CAPZA1: variants seen among roughly 807,000 people sequenced by gnomAD.
The protein encoded by CAPZA1 is F-actin-capping protein subunit alpha-1.
A neutral mutation model predicts 40.8 loss-of-function variants in CAPZA1; 10 were observed. The observed-to-expected ratio is 0.25, with a 90% CI of 0.15 to 0.42. The LOEUF (loss-of-function observed/expected upper bound fraction) is 0.42, where lower values mean the gene tolerates loss of function less well. Ranked by LOEUF, CAPZA1 falls within the 10% of genes least tolerant of loss-of-function variation. CAPZA1 has a pLI of 1.00. For synonymous variants in CAPZA1, 98 were observed against 115.0 expected (o/e 0.85, Z 0.95); for missense variants, 277 against 353.8 (o/e 0.78, Z 1.74).
chr1:112,663,356 G>A (rs1286005647), intron 7 of CAPZA1, among the ~76,000 whole-genome samples: 1 of 152,066 alleles, frequency 6.6e-6, no homozygotes, highest in African/African-American at 2.4e-5. Flanking sequence ...TGACCTACTT[G>A]TATTTTAAAT....
At chr1:112,627,789 C>G (rs914085214) in intron 1 of CAPZA1, among the ~76,000 whole-genome samples, 1 of 151,908 alleles carries the variant, frequency 6.6e-6, no homozygotes, top group Non-Finnish European at 1.5e-5. Context: ...GGAGAAACCC[C>G]GTCTCTACTA....
intron 7 of CAPZA1, among the ~76,000 whole-genome samples, chr1:112,662,395 C>CTTTTTTTTTTTTTTTTTTTTTTT (rs35100851): frequency 1.0e-5 from 1 of 97,262 alleles, no homozygotes; most frequent in Non-Finnish European, 1.9e-5. Context: ...TAGAATTTTT[C>CTTTTTTTTTTTTTTTTTTTTTTT]TTTTTTTTTT....
chr1:112,647,268 T>C lies in CAPZA1; in HGVS notation c.98T>C (p.Phe33Ser). ...HAPPGEFNEVFNDVRLLLNND... is the reference protein window; with the variant it reads ...HAPPGEFNEVSNDVRLLLNND... ...CCCCCAGGGGAATTTAATGAAGTATTCAATGGTGAGTAAAGATTAGTATTT... is the reference window on the plus strand; with the variant it reads ...CCCCCAGGGGAATTTAATGAAGTATCCAATGGTGAGTAAAGATTAGTATTT... The change falls in exon 2 of 10, where the codon TTC (phenylalanine) becomes TCC (serine). Residue 33 changes from phenylalanine to serine, a missense_variant. By Grantham distance (155) the Phe-to-Ser change is radical. Around this residue, in one of 2 missense-constraint regions of CAPZA1, gnomAD observed 85 missense variants for 76.5 expected, o/e 1.11. Transcript: ENST00000263168. The C allele has an allele frequency of 6.7e-7, 1 of 1,494,946 alleles. No homozygotes were observed. The highest frequency in any genetic ancestry group is 9.0e-7 in the Non-Finnish European group (1 of 1,106,022). 92.6% of individuals were successfully genotyped at this position (1,494,946 alleles called of 1,614,324 possible).
intron 7 of CAPZA1, among the ~76,000 whole-genome samples, chr1:112,662,458 G>A (rs1671635842): frequency 6.9e-6 from 1 of 143,974 alleles, no homozygotes; most frequent in Non-Finnish European, 1.5e-5. Context: ...GAGTGCAGTG[G>A]CAGGATCTCG....
At chr1:112,630,362 G>A (rs1308614212) in intron 1 of CAPZA1, among the ~76,000 whole-genome samples, 1 of 151,270 alleles carries the variant, frequency 6.6e-6, no homozygotes, top group African/African-American at 2.4e-5. Flanking sequence ...TTTTATTTTT[G>A]TTAGAGAGTC....
chr1:112,650,358 G>A (rs1671360238), intron 3 of CAPZA1, among the ~76,000 whole-genome samples: 1 of 152,130 alleles, frequency 6.6e-6, no homozygotes, highest in Non-Finnish European at 1.5e-5. Flanking sequence ...ACTAGATTCT[G>A]CAAACGTAGA....
At chr1:112,641,459 A>G (rs1671160863) in intron 1 of CAPZA1, among the ~76,000 whole-genome samples, 1 of 152,200 alleles carries the variant, frequency 6.6e-6, no homozygotes, top group East Asian at 1.9e-4. Flanking sequence ...ACAGCACATT[A>G]TAAACATATA....
chr1:112,659,598 C>A, intron 6 of CAPZA1, 103 bp from the exon 7 acceptor site: 87 of 583,956 alleles, frequency 1.5e-4, no homozygotes, highest in Middle Eastern at 5.1e-4. Flanking sequence ...TTTTTTTTTT[C>A]TTTTTTTGCA....
At chr1:112,646,009 A>AT (rs1671274992) in intron 1 of CAPZA1, among the ~76,000 whole-genome samples, 3 of 152,122 alleles carry the variant, frequency 2.0e-5, no homozygotes, top group South Asian at 4.1e-4. Flanking sequence ...GACGAAGAGC[A>AT]TATTAATGGA....
intron 1 of CAPZA1, among the ~76,000 whole-genome samples, chr1:112,631,976 T>G (rs1250563025): frequency 6.6e-6 from 1 of 152,222 alleles, no homozygotes; most frequent in Non-Finnish European, 1.5e-5. Flanking sequence ...GTAAAAATTA[T>G]TCTAATGCAT....
At chr1:112,640,171 C>T in intron 1 of CAPZA1, among the ~76,000 whole-genome samples, 1 of 122,832 alleles carries the variant, frequency 8.1e-6, no homozygotes, top group Admixed American at 7.5e-5. Context: ...GCCAGCCGCC[C>T]AGTCCGGGAG....
intron 1 of CAPZA1, among the ~76,000 whole-genome samples, chr1:112,629,066 A>C (rs1354102705): frequency 6.6e-6 from 1 of 151,250 alleles, no homozygotes; most frequent in Non-Finnish European, 1.5e-5. Context: ...AGGTCAGTAC[A>C]TGTCACTTTT....
At chr1:112,628,634 C>A (rs975141819) in intron 1 of CAPZA1, among the ~76,000 whole-genome samples, 4 of 152,170 alleles carry the variant, frequency 2.6e-5, no homozygotes, top group African/African-American at 9.7e-5. Context: ...TGTATAACAG[C>A]ATTGGACATT....
At chr1:112,656,792 T>C (rs1317223523) in intron 5 of CAPZA1, among the ~76,000 whole-genome samples, 1 of 152,094 alleles carries the variant, frequency 6.6e-6, no homozygotes, top group African/African-American at 2.4e-5. Context: ...CGTAATTTCA[T>C]CTCCTTATTC....
At chr1:112,623,181 G>C (rs138884925) in intron 1 of CAPZA1, among the ~76,000 whole-genome samples, 1 of 152,094 alleles carries the variant, frequency 6.6e-6, no homozygotes. Flanking sequence ...CACTGCACCT[G>C]CCAAATATTT....
chr1:112,628,428 G>T (rs1282692662), intron 1 of CAPZA1, among the ~76,000 whole-genome samples: 1 of 152,082 alleles, frequency 6.6e-6, no homozygotes, highest in Non-Finnish European at 1.5e-5. Flanking sequence ...TATAAAACTG[G>T]AATAACAATT....
intron 7 of CAPZA1, among the ~76,000 whole-genome samples, chr1:112,663,177 G>C (rs573234611): frequency 1.3e-5 from 2 of 152,048 alleles, no homozygotes; most frequent in Admixed American, 6.5e-5. Flanking sequence ...TGTTAGCCAG[G>C]ATGATCTTGA....
At chr1:112,668,694 C>T (rs1671771954) in intron 8 of CAPZA1, among the ~76,000 whole-genome samples, 1 of 152,082 alleles carries the variant, frequency 6.6e-6, no homozygotes, top group Non-Finnish European at 1.5e-5. Context: ...CCATGTTGAC[C>T]AGGCTTGTCT....
In CAPZA1 at chr1:112,670,459, A is replaced by G. The variant is rs1671808820; in HGVS notation, c.*327A>G. The G allele has an allele frequency of 1.9e-5, 4 of 214,564 alleles. No homozygotes were observed. In the Admixed American group the frequency reaches 2.0e-4, roughly 11 times the overall value. The allele number at this position is 214,564 out of a possible 1,614,324, so 13.3% of individuals were successfully genotyped here. ...ATTTTACTGTTTAAAAAAGTTTCCT[A>G]GCCATGAAGCCCTGCTACTGATTTA... On this transcript the variant is annotated 3_prime_UTR_variant, in exon 10 of 10. Coordinates refer to ENST00000263168, the MANE Select transcript of CAPZA1 (RefSeq NM_006135.3).
Sources: allele counts gnomAD v4.1 joint callset (sites outside exome capture counted in the v4.1 genomes callset), GRCh38; gene constraint gnomAD v4.1.1; regional missense constraint gnomAD v4.1.1; transcripts MANE v1.5; gene names NCBI Gene and HGNC (gene_info 2026-07-23, HGNC 2026-07-21).